The following SPRR2G variants were observed in gnomAD, a reference collection of about 807,000 sequenced individuals.
SPRR2G encodes small proline-rich protein 2G.
In SPRR2G, 1 loss-of-function variant was observed where a neutral mutation model predicts 0.7. The observed-to-expected ratio is 1.49, with a 90% CI of 0.53 to 7.06. The LOEUF (loss-of-function observed/expected upper bound fraction) is 7.06. Among genes scored for constraint, SPRR2G ranks in the 30% most tolerant of loss-of-function variants. The pLI is 0.14. For missense variants in SPRR2G, 96 were observed against 88.5 expected, an observed-to-expected ratio of 1.09 and a Z score of -0.34; for synonymous variants, 38 against 33.9, an observed-to-expected ratio of 1.12 and a Z score of -0.42.
chr1:153,197,800 C>T, the SPRR2G span, among the ~76,000 whole-genome samples: 64,995 of 151,904 alleles, frequency 0.43, 15,020 homozygotes, highest in South Asian at 0.57. Flanking sequence ...AAATAAATAT[C>T]AATAAGGCAA....
the SPRR2G span, among the ~76,000 whole-genome samples, chr1:153,171,999 T>G: frequency 6.6e-6 from 1 of 152,130 alleles, no homozygotes; most frequent in Non-Finnish European, 1.5e-5. Flanking sequence ...GACCTTCTTC[T>G]TTGGTTTACC....
chr1:153,162,658 C>T, the SPRR2G span, among the ~76,000 whole-genome samples: 3 of 152,144 alleles, frequency 2.0e-5, no homozygotes, highest in East Asian at 5.8e-4. Flanking sequence ...GGTCCTAAAG[C>T]AGGACACATC....
the SPRR2G span, among the ~76,000 whole-genome samples, chr1:153,158,690 A>C: frequency 2.6e-5 from 4 of 152,174 alleles, no homozygotes; most frequent in African/African-American, 9.7e-5. Context: ...TCCATTCTGC[A>C]TTGCCCTAGA....
At chr1:153,156,912 A>G in the SPRR2G span, among the ~76,000 whole-genome samples, 1 of 152,188 alleles carries the variant, frequency 6.6e-6, no homozygotes, top group Non-Finnish European at 1.5e-5. Context: ...AACTCAGACT[A>G]ATATTTCTTC....
chr1:153,195,512 G>A, the SPRR2G span, among the ~76,000 whole-genome samples: 34 of 152,248 alleles, frequency 2.2e-4, 1 homozygote, highest in East Asian at 5.6e-3. Flanking sequence ...GCTCAAGAAG[G>A]CATCTCAAGT....
the SPRR2G span, among the ~76,000 whole-genome samples, chr1:153,177,950 AGT>A: frequency 6.6e-6 from 1 of 151,918 alleles, no homozygotes; most frequent in East Asian, 1.9e-4. Context: ...CATTCAAAAT[AGT>A]GTGTTATCCA....
At position 153,149,757 on chromosome 1, in the gene SPRR2G, A is replaced by G; in HGVS notation, c.*132T>C. 1 of 1,179,236 alleles carries G rather than the reference A, an allele frequency of 8.5e-7. No individual in the cohort carries two copies. Among genetic ancestry groups the G allele is most frequent in the East Asian group, 2.5e-5 (1 of 40,272 alleles). 73.0% of individuals were successfully genotyped at this position (1,179,236 alleles called of 1,614,324 possible). On this transcript the variant is annotated 3_prime_UTR_variant, in exon 2 of 2. Transcript: ENST00000368748. ...TTCAGAACTAAGCCTTTTCTCTGTC[A>G]ACGCTCAAGCCAGACAGAGGTTAGG...
chr1:153,173,922 G>C, the SPRR2G span, among the ~76,000 whole-genome samples: 1,479 of 152,274 alleles, frequency 9.7e-3, 21 homozygotes, highest in African/African-American at 0.032. Flanking sequence ...CACCATAAAG[G>C]ATGGGGCAGG....
chr1:153,169,187 T>G, the SPRR2G span, among the ~76,000 whole-genome samples: 1 of 152,066 alleles, frequency 6.6e-6, no homozygotes, highest in African/African-American at 2.4e-5. Flanking sequence ...AGACTTGCTC[T>G]CCAATGATTT....
chr1:153,164,041 TAGAA>T, the SPRR2G span, among the ~76,000 whole-genome samples: 35 of 152,328 alleles, frequency 2.3e-4, 1 homozygote, highest in East Asian at 6.7e-3. Context: ...ACAATACAAT[TAGAA>T]AGAGAACTTC....
chr1:153,200,571 A>G, the SPRR2G span, among the ~76,000 whole-genome samples: 1 of 152,260 alleles, frequency 6.6e-6, no homozygotes, highest in South Asian at 2.1e-4. Flanking sequence ...TGTTATGAGC[A>G]ATCGACATAA....
the SPRR2G span, among the ~76,000 whole-genome samples, chr1:153,163,560 A>G: frequency 1.1e-4 from 16 of 152,322 alleles, no homozygotes; most frequent in South Asian, 3.3e-3. Context: ...CCAATTCCAA[A>G]GCAAGTTTCA....
At chr1:153,160,450 T>G in the SPRR2G span, among the ~76,000 whole-genome samples, 2 of 152,240 alleles carry the variant, frequency 1.3e-5, no homozygotes, top group Admixed American at 1.3e-4. Context: ...GAATTATTTT[T>G]AATTTTTTGA....
At chr1:153,152,075 A>G (rs775475608), upstream of SPRR2G, among the ~76,000 whole-genome samples, 2 of 152,236 alleles carry the variant, frequency 1.3e-5, no homozygotes, top group Non-Finnish European at 2.9e-5. Flanking sequence ...CACCTACCAC[A>G]AAAGTCTCCT....
At chr1:153,202,890 ACAAAGACC>A in the SPRR2G span, among the ~76,000 whole-genome samples, 2 of 151,996 alleles carry the variant, frequency 1.3e-5, no homozygotes, top group Non-Finnish European at 2.9e-5. Context: ...CATTCCAACC[ACAAAGACC>A]CTGGTCAGGC....
the SPRR2G span, among the ~76,000 whole-genome samples, chr1:153,174,355 GA>G: frequency 6.6e-6 from 1 of 152,150 alleles, no homozygotes; most frequent in Admixed American, 6.5e-5. Flanking sequence ...AGAACTCTTG[GA>G]AAAGCCGCAG....
chr1:153,154,149 T>C (rs1233451801), upstream of SPRR2G, among the ~76,000 whole-genome samples: 1 of 151,862 alleles, frequency 6.6e-6, no homozygotes, highest in African/African-American at 2.4e-5. Context: ...GAACCATCTT[T>C]TTTTTTTTTT....
At chr1:153,158,378 A>G in the SPRR2G span, among the ~76,000 whole-genome samples, 1 of 152,230 alleles carries the variant, frequency 6.6e-6, no homozygotes, top group Non-Finnish European at 1.5e-5. Context: ...CTAGCTGGAC[A>G]GTCATTAAAT....
chr1:153,154,534 G>A (rs888112637), upstream of SPRR2G, among the ~76,000 whole-genome samples: 9 of 151,818 alleles, frequency 5.9e-5, no homozygotes, highest in African/African-American at 1.2e-4. Flanking sequence ...CTCCTTACTC[G>A]TTATTGGTCT....
Sources: allele counts gnomAD v4.1 joint callset (sites outside exome capture counted in the v4.1 genomes callset), GRCh38; gene constraint gnomAD v4.1.1; transcripts MANE v1.5; gene names NCBI Gene and HGNC (gene_info 2026-07-23, HGNC 2026-07-21).